The following UBE2E1 variants were observed in gnomAD, a reference collection of about 807,000 sequenced individuals.
The protein encoded by UBE2E1 is ubiquitin-conjugating enzyme E2 E1.
In UBE2E1, 6 loss-of-function variants were observed where a neutral mutation model predicts 21.4. That is an observed-to-expected ratio of 0.28 (90% confidence interval 0.15 to 0.55). The LOEUF (loss-of-function observed/expected upper bound fraction) is 0.55. UBE2E1 is among the 20% of genes least tolerant of loss of function. UBE2E1 has a pLI of 0.93. For synonymous variants in UBE2E1, 87 were observed against 82.7 expected, an observed-to-expected ratio of 1.05 and a Z score of -0.28; for missense variants, 142 against 236.5, an observed-to-expected ratio of 0.60 and a Z score of 2.62.
At chr3:23,827,956 T>C (rs1699792050) in intron 3 of UBE2E1, among the ~76,000 whole-genome samples, 1 of 152,090 alleles carries the variant, frequency 6.6e-6, no homozygotes, top group Non-Finnish European at 1.5e-5. Flanking sequence ...CCCCCTAGGA[T>C]GTTCTCTCTC....
intron 3 of UBE2E1, among the ~76,000 whole-genome samples, chr3:23,884,232 A>T (rs1701123973): frequency 1.9e-5 from 1 of 52,822 alleles, no homozygotes; most frequent in Admixed American, 2.0e-4. Flanking sequence ...TTGCAAACAG[A>T]TTAGAGAGAT....
At chr3:23,858,354 C>G (rs968975873) in intron 3 of UBE2E1, among the ~76,000 whole-genome samples, 1 of 152,182 alleles carries the variant, frequency 6.6e-6, no homozygotes, top group East Asian at 1.9e-4. Context: ...GAGTCTCGCT[C>G]TGTCATCCAG....
rs569286466 is a variant in UBE2E1 at position 23,887,320 on chromosome 3, A to G, written c.204-247A>G. Among the ~76,000 whole-genome samples, 1 of 152,294 alleles carries G rather than the reference A, an allele frequency of 6.6e-6. No homozygotes were observed. Among genetic ancestry groups the G allele is most frequent in the South Asian group, 2.1e-4 (1 of 4,824 alleles). Reference sequence around the variant, plus strand: ...TCCAGGAGAGTTTTGAGAATTGAGGAAAGTTTCCTGCTTATTCGTAGCTAG... The same window carrying G: ...TCCAGGAGAGTTTTGAGAATTGAGGGAAGTTTCCTGCTTATTCGTAGCTAG... On this transcript the variant is annotated intron_variant, in intron 3 of 5. Transcript: ENST00000306627. The surrounding 1 kb of genome is among the most constrained non-coding windows in gnomAD (Gnocchi z 4.4).
chr3:23,810,552 CCCGG>C lies in UBE2E1; in HGVS notation c.153-905_153-902del. 6.5e-7 allele frequency: 1 copy of C among 1,530,426 alleles called. No homozygotes were observed. The highest frequency in any genetic ancestry group is 8.7e-7 in the Non-Finnish European group (1 of 1,143,444). The allele number at this position is 1,530,426 out of a possible 1,614,324, so 94.8% of individuals were successfully genotyped here. ...AGGTCCGGGGAGGTGGGCCGAGAGT[CCCGG>C]CCAGCGTGCGGGGCGGAGGCAGGGT... On this transcript the variant is annotated intron_variant, in intron 2 of 5. Coordinates refer to ENST00000306627, the MANE Select transcript of UBE2E1 (RefSeq NM_003341.5). The surrounding 1 kb of genome is among the most constrained non-coding windows in gnomAD (Gnocchi z 5.8).
At chr3:23,847,168 G>T (rs1014657818) in intron 3 of UBE2E1, among the ~76,000 whole-genome samples, 1 of 152,070 alleles carries the variant, frequency 6.6e-6, no homozygotes, top group Non-Finnish European at 1.5e-5. Flanking sequence ...AATTACATCA[G>T]GGCAGTAGGC....
intron 3 of UBE2E1, among the ~76,000 whole-genome samples, chr3:23,860,067 G>A (rs985471810): frequency 6.6e-6 from 1 of 152,168 alleles, no homozygotes; most frequent in Admixed American, 6.5e-5. Context: ...CTTGAAATAA[G>A]GGATGGTTCT....
In UBE2E1 at chr3:23,807,258, G is replaced by T; in HGVS notation, c.-12G>T. ...GCAGGGGCTGTTTGCGGGGTGGGGT[G>T]GGGGGTTCGCTATGTCGGATGACGA... On this transcript the variant is annotated 5_prime_UTR_variant, in exon 2 of 6. Coordinates refer to ENST00000306627, the MANE Select transcript of UBE2E1 (RefSeq NM_003341.5). 1.2e-6 allele frequency: 2 copies of T among 1,609,300 alleles called. No homozygotes were observed. Among genetic ancestry groups the T allele is most frequent in the South Asian group, 1.1e-5 (1 of 90,660 alleles).
At chr3:23,844,465 C>G (rs1700155586) in intron 3 of UBE2E1, among the ~76,000 whole-genome samples, 1 of 152,144 alleles carries the variant, frequency 6.6e-6, no homozygotes, top group Non-Finnish European at 1.5e-5. Flanking sequence ...CTCATTTTAT[C>G]TTATAGAAGA....
chr3:23,820,258 C>T (rs12630505), intron 3 of UBE2E1, among the ~76,000 whole-genome samples: 6,890 of 152,314 alleles, frequency 0.045, 196 homozygotes, highest in East Asian at 0.11. Flanking sequence ...TCAGAATATG[C>T]TTCTAATCCT....
rs1447498813 is a variant in UBE2E1 at position 23,873,675 on chromosome 3, G to T, written c.204-13892G>T. On this transcript the variant is annotated intron_variant, in intron 3 of 5. Transcript: ENST00000306627. Reference sequence around the variant, plus strand: ...GCAGGAGAATCACTTGAACCCGGGAGGCGGAGGTTGCAGTGAGCCAAGATG... The same window carrying T: ...GCAGGAGAATCACTTGAACCCGGGATGCGGAGGTTGCAGTGAGCCAAGATG... 3.3e-5 allele frequency among the ~76,000 whole-genome samples: 5 copies of T among 152,334 alleles called. No homozygotes were observed. In the East Asian group the frequency reaches 9.7e-4, roughly 29 times the overall value.
chr3:23,890,846 C>A lies in UBE2E1; in HGVS notation c.*240C>A. 2.8e-6 allele frequency: 1 copy of A among 359,236 alleles called. No homozygotes were observed. The highest frequency in any genetic ancestry group is 7.3e-4 in the Middle Eastern group (1 of 1,366). The allele number at this position is 359,236 out of a possible 1,614,324, so 22.3% of individuals were successfully genotyped here. A position where few individuals can be genotyped will look rare whatever the true frequency, so the allele number is the denominator to read the frequency against. On this transcript the variant is annotated 3_prime_UTR_variant, in exon 6 of 6. Coordinates refer to ENST00000306627, the MANE Select transcript of UBE2E1 (RefSeq NM_003341.5). ...CTGCAATATTAGCTGAAATGTAGTA[C>A]AGAAAAGAATGTACATTTAGACATT...
chr3:23,891,244 CT>C lies in UBE2E1; in HGVS notation c.*639del, dbSNP rs1329644116. The C allele has an allele frequency of 6.6e-6, 1 of 152,214 alleles. No individual in the cohort carries two copies. The highest frequency in any genetic ancestry group is 1.5e-5 in the Non-Finnish European group (1 of 68,052). The allele number at this position is 152,214 out of a possible 1,614,324, so 9.4% of individuals were successfully genotyped here. ...ATAGGAGTTGCTCAGTGGATTGGTT[CT>C]ATGTTGTGGACTACTTAAGTCTGCA... On this transcript the variant is annotated 3_prime_UTR_variant, in exon 6 of 6. Coordinates refer to ENST00000306627, the MANE Select transcript of UBE2E1 (RefSeq NM_003341.5).
intron 3 of UBE2E1, among the ~76,000 whole-genome samples, chr3:23,877,137 G>A (rs1700933696): frequency 6.6e-6 from 1 of 152,170 alleles, no homozygotes; most frequent in Non-Finnish European, 1.5e-5. Context: ...GGTCTGAGGT[G>A]GAGTCTGATG....
At chr3:23,840,145 G>C (rs1700055196) in intron 3 of UBE2E1, among the ~76,000 whole-genome samples, 2 of 151,974 alleles carry the variant, frequency 1.3e-5, no homozygotes. Context: ...GTTTGATTTG[G>C]ATCTTTTTAT....
intron 3 of UBE2E1, among the ~76,000 whole-genome samples, chr3:23,832,645 G>C (rs1699894158): frequency 6.6e-6 from 1 of 152,168 alleles, no homozygotes; most frequent in Admixed American, 6.5e-5. Flanking sequence ...AGCTGAGAGA[G>C]AATCGCTTGA....
In UBE2E1 at chr3:23,887,218, C is replaced by T. The variant is rs529641062; in HGVS notation, c.204-349C>T. On this transcript the variant is annotated intron_variant, in intron 3 of 5. Coordinates refer to ENST00000306627, the MANE Select transcript of UBE2E1 (RefSeq NM_003341.5). This position sits in a 1 kb window ranked among gnomAD's most constrained non-coding sequence, Gnocchi z 4.4. ...GATGTAGCTGTGAGCAAAAACTGCT[C>T]GCATTTGTCACTAATTTCGCTTCTA... 3.3e-5 allele frequency among the ~76,000 whole-genome samples: 5 copies of T among 152,268 alleles called. No individual in the cohort carries two copies. The East Asian group carries it at 7.7e-4, about 23-fold the overall frequency.
rs1257517200 is a variant in UBE2E1 at position 23,842,286 on chromosome 3, G to A, written c.203+30776G>A. ...GTTGGCGACAGGGTCTCAATTCGTC[G>A]CCTAGGCTGGGATGCAGTGGTGCAG... is the stretch of plus-strand genomic sequence containing the variant. On this transcript the variant is annotated intron_variant, in intron 3 of 5. Transcript: ENST00000306627. The surrounding 1 kb of genome is among the most constrained non-coding windows in gnomAD (Gnocchi z 4.6). Among the ~76,000 whole-genome samples, 5 of 146,212 alleles carry A rather than the reference G, an allele frequency of 3.4e-5. No homozygotes were observed. In the South Asian group the frequency reaches 6.7e-4, roughly 19 times the overall value.
Position 23,810,309 on chromosome 3 carries a change from CT to C in UBE2E1, c.153-1150del. On this transcript the variant is annotated intron_variant, in intron 2 of 5. Transcript: ENST00000306627. This position sits in a 1 kb window ranked among gnomAD's most constrained non-coding sequence, Gnocchi z 5.8. The stretch of plus-strand genomic sequence containing the variant: ...CTAAACTGTCGTATTAATTGATGCT[CT>C]AAGTGCCTAGGTAAGCAAAAGACAA... 1.2e-6 allele frequency: 1 copy of C among 834,480 alleles called. No individual in the cohort carries two copies. Among genetic ancestry groups the C allele is most frequent in the Non-Finnish European group, 1.9e-6 (1 of 523,320 alleles). The allele number at this position is 834,480 out of a possible 1,614,324, so 51.7% of individuals were successfully genotyped here.
intron 3 of UBE2E1, among the ~76,000 whole-genome samples, chr3:23,867,244 G>A (rs1323233994): frequency 1.3e-5 from 2 of 152,078 alleles, no homozygotes; most frequent in African/African-American, 4.8e-5. Flanking sequence ...AGTTTGTGAA[G>A]GAACTTTGAA....
Sources: allele counts gnomAD v4.1 joint callset (sites outside exome capture counted in the v4.1 genomes callset), GRCh38; gene constraint gnomAD v4.1.1; non-coding constraint Gnocchi (gnomAD v3.1); transcripts MANE v1.5; gene names NCBI Gene and HGNC (gene_info 2026-07-23, HGNC 2026-07-21).